SUCO: variants seen among roughly 807,000 people sequenced by gnomAD.
SUCO encodes the protein SUN domain-containing ossification factor.
SUCO carries 57 observed loss-of-function variants against 148.1 expected under a neutral mutation model. That is an observed-to-expected ratio of 0.38 (90% CI 0.31 to 0.48). SUCO has a LOEUF of 0.48. Among genes scored for constraint, SUCO ranks in the 20% least tolerant of loss-of-function variants. SUCO has a pLI of 0.96. For synonymous variants in SUCO, 470 were observed against 502.7 expected (o/e 0.93, Z 0.87); for missense variants, 1,331 against 1,468.2 (o/e 0.91, Z 1.53).
intron 17 of SUCO, 114 bp downstream of exon 17, chr1:172,586,062 T>G: frequency 1.6e-6 from 1 of 612,868 alleles, no homozygotes; most frequent in Non-Finnish European, 2.7e-6. Flanking sequence ...TAGAGAGCTC[T>G]GAATCATAGG....
At chr1:172,602,512 C>T (rs963173210) in intron 21 of SUCO, 184 bp from the exon 22 acceptor site, 2 of 982,804 alleles carry the variant, frequency 2.0e-6, no homozygotes, top group Non-Finnish European at 2.4e-6. Context: ...TATTTTAATA[C>T]AGTACCTTTT....
intron 11 of SUCO, 61 bp downstream of exon 11, chr1:172,575,684 T>C (rs1312994543): frequency 1.8e-6 from 2 of 1,097,858 alleles, no homozygotes; most frequent in East Asian, 2.4e-5. Flanking sequence ...ATTCACACTT[T>C]ATACACCTCA....
chr1:172,575,577 T>C lies in SUCO; in HGVS notation c.1217T>C (p.Val406Ala). The change falls in exon 11 of 24, where the codon GTA becomes GCA. Residue 406 changes from valine to alanine, a missense_variant. Physicochemically the swap from Val to Ala is moderately conservative, Grantham distance 64 (BLOSUM62 0). This residue lies in a region of SUCO where 992 missense variants were observed against 1,093.5 expected (regional missense o/e 0.91). Coordinates refer to ENST00000263688, the MANE Select transcript of SUCO (RefSeq NM_014283.5). Reference protein sequence around the residue: ...GTFHGRDERNVQSFPLDEQMY... With the variant: ...GTFHGRDERNAQSFPLDEQMY... ...TTTCATGGTAGAGATGAGCGGAATGTACAGAGTTTCCCTTTAGATGAACAG... is the reference window on the plus strand; with the variant it reads ...TTTCATGGTAGAGATGAGCGGAATGCACAGAGTTTCCCTTTAGATGAACAG... 1 of 1,612,358 alleles carries C rather than the reference T, an allele frequency of 6.2e-7. No homozygotes were observed. Among genetic ancestry groups the C allele is most frequent in the Non-Finnish European group, 8.5e-7 (1 of 1,178,776 alleles).
rs1319083318 is a variant in SUCO, at chr1:172,572,063, G to T, written c.1049+1333G>T. 9.7e-5 allele frequency among the ~76,000 whole-genome samples: 6 copies of T among 61,908 alleles called. 1 individual carries two copies. Among genetic ancestry groups the T allele is most frequent in the African/African-American group, 2.6e-4 (3 of 11,620 alleles). The allele number at this position is 61,908 out of a possible 152,430, so 40.6% of individuals were successfully genotyped here. ...AGCCCCCCGCCCGGCCAGCCGCCCC[G>T]TCCGGGAGGGAGGTGGGGGGTCAGC... On this transcript the variant is annotated intron_variant, in intron 9 of 23. Coordinates refer to ENST00000263688, the MANE Select transcript of SUCO (RefSeq NM_014283.5).
At chr1:172,586,842 G>A (rs955011389) in intron 17 of SUCO, among the ~76,000 whole-genome samples, 2 of 152,108 alleles carry the variant, frequency 1.3e-5, no homozygotes, top group African/African-American at 4.8e-5. Flanking sequence ...ATATTATCCT[G>A]TGTTAATCCT....
At chr1:172,572,696 TAAAAAAA>T (rs61248782) in intron 9 of SUCO, among the ~76,000 whole-genome samples, 18 of 49,606 alleles carry the variant, frequency 3.6e-4, no homozygotes, top group Admixed American at 1.5e-3. Flanking sequence ...GAATGATCAA[TAAAAAAA>T]AAAAAAAAAA....
chr1:172,583,005 CAT>C (rs372091863), intron 15 of SUCO, among the ~76,000 whole-genome samples: 177 of 152,208 alleles, frequency 1.2e-3, no homozygotes, highest in African/African-American at 4.1e-3. Context: ...TTCGAAATCT[CAT>C]ATAAGATCTC....
In SUCO at chr1:172,608,740, C is replaced by G; in HGVS notation, c.3266-7C>G. The G allele has an allele frequency of 7.0e-7, 1 of 1,426,078 alleles. No homozygotes were observed. The highest frequency in any genetic ancestry group is 2.0e-5 in the Admixed American group (1 of 50,248). The allele number at this position is 1,426,078 out of a possible 1,614,324, so 88.3% of individuals were successfully genotyped here. On this transcript the variant is annotated splice_region_variant and splice_polypyrimidine_tract_variant and intron_variant, in intron 22 of 23. Coordinates refer to ENST00000263688, the MANE Select transcript of SUCO (RefSeq NM_014283.5). The stretch of plus-strand genomic sequence containing the variant: ...TTACATCTGCTTTTTTTTTTTTTTA[C>G]TTACAGTAGACCCAAATGATTTGTA...
chr1:172,594,323 C>G (rs992720291), intron 19 of SUCO, among the ~76,000 whole-genome samples: 2 of 151,846 alleles, frequency 1.3e-5, no homozygotes, highest in African/African-American at 2.4e-5. Flanking sequence ...CTTCTGCTAG[C>G]TTTTGAATGG....
At position 172,591,028 on chromosome 1, in the gene SUCO, C is replaced by T; in HGVS notation, c.2870C>T (p.Thr957Ile). The change falls in exon 19 of 24, where the codon ACA becomes ATA. Residue 957 changes from threonine (T) to isoleucine (I), a missense_variant. Coordinates refer to ENST00000263688, the MANE Select transcript of SUCO (RefSeq NM_014283.5). The part of the protein sequence containing the change: ...MEEMQKAFNK[T>I]IVKLQNTSRI... ...GAAATGCAAAAGGCTTTCAATAAAA[C>T]AATCGTGAAACTTCAGAATACTTCA... 6.2e-7 allele frequency: 1 copy of T among 1,612,360 alleles called. No homozygotes were observed.
rs760694743 is a variant in SUCO at position 172,609,813 on chromosome 1, TAGA to T, written c.3325_3327del (p.Lys1109del). 7 of 1,589,252 alleles carry T rather than the reference TAGA, an allele frequency of 4.4e-6. No homozygotes were observed. Among genetic ancestry groups the T allele is most frequent in the South Asian group, 1.2e-5 (1 of 86,034 alleles). On this transcript the variant is annotated splice_acceptor_variant and coding_sequence_variant, in exon 24 of 24. Coordinates refer to ENST00000263688, the MANE Select transcript of SUCO (RefSeq NM_014283.5). LOFTEE classifies it high-confidence loss of function. ...ACTAACTTTTCTTTTACTTGTGTTG[TAGA>T]AGAAGCGCTGCAAGTACAAAATTGA...
intron 6 of SUCO, among the ~76,000 whole-genome samples, chr1:172,564,366 G>A (rs1654405604): frequency 6.6e-6 from 1 of 152,198 alleles, no homozygotes; most frequent in African/African-American, 2.4e-5. Context: ...GCAGTTATGG[G>A]GGCTCTACCC....
chr1:172,562,495 C>A (rs1654247218), intron 6 of SUCO, among the ~76,000 whole-genome samples: 1 of 152,110 alleles, frequency 6.6e-6, no homozygotes, highest in Admixed American at 6.5e-5. Context: ...CCATGCCCAT[C>A]TAATTTTTGT....
rs144718164 is a variant in SUCO, at chr1:172,569,117, A to G, written c.831A>G (p.Lys277=). 66 of 1,568,092 alleles carry G rather than the reference A, an allele frequency of 4.2e-5. No individual in the cohort carries two copies. The African/African-American group carries it at 7.3e-4, about 17-fold the overall frequency. Residue 277 remains lysine, a synonymous_variant, in exon 7 of 24, where the codon AAA becomes AAG. Transcript: ENST00000263688. ...CAACATTTGATGAATGGAAGAAGAAAGTTATGGAAGTAGAAAAAGAAAAAA... is the reference window on the plus strand; with the variant it reads ...CAACATTTGATGAATGGAAGAAGAAGGTTATGGAAGTAGAAAAAGAAAAAA... ...DIPTFDEWKK[K]VMEVEKEKSQ...
chr1:172,590,262 A>G, intron 18 of SUCO: 1 of 895,558 alleles, frequency 1.1e-6, no homozygotes, highest in Non-Finnish European at 1.3e-6. Flanking sequence ...ATGGAAAAAA[A>G]TGATAGTATA....
intron 23 of SUCO, chr1:172,609,416 T>C: frequency 2.1e-6 from 2 of 940,420 alleles, no homozygotes; most frequent in Non-Finnish European, 2.5e-6. Context: ...ACATTGTAAC[T>C]TGGGCAAAGA....
intron 22 of SUCO, chr1:172,608,072 T>C (rs1166529958): frequency 1.0e-6 from 1 of 984,792 alleles, no homozygotes; most frequent in Non-Finnish European, 1.2e-6. Flanking sequence ...GGATATATCT[T>C]GAAGCTGCTT....
chr1:172,541,811 C>T, intron 1 of SUCO: 1 of 974,822 alleles, frequency 1.0e-6, no homozygotes, highest in Non-Finnish European at 1.2e-6. Context: ...TTGGAGCACA[C>T]TGTCACTGAG....
At chr1:172,537,153 G>T (rs1055593616) in intron 1 of SUCO, among the ~76,000 whole-genome samples, 2 of 152,108 alleles carry the variant, frequency 1.3e-5, no homozygotes, top group Non-Finnish European at 2.9e-5. Flanking sequence ...GATATTCTGA[G>T]TGTGTCCCTT....
Sources: allele counts gnomAD v4.1 joint callset (sites outside exome capture counted in the v4.1 genomes callset), GRCh38; gene constraint gnomAD v4.1.1; regional missense constraint gnomAD v4.1.1; transcripts MANE v1.5; gene names NCBI Gene and HGNC (gene_info 2026-07-23, HGNC 2026-07-21).